EZH1: variants seen among roughly 807,000 people sequenced by gnomAD.
The protein encoded by EZH1 is enhancer of zeste 1 polycomb repressive complex 2 subunit, also known as histone-lysine N-methyltransferase EZH1.
Under a neutral mutation model 100.5 loss-of-function variants are expected in EZH1, and 33 were observed. The ratio of observed to expected loss-of-function variants is 0.33; its 90% CI spans 0.25 to 0.44. The LOEUF is 0.44. EZH1 is among the 20% of genes least tolerant of loss of function. The pLI is 1.00. For synonymous variants in EZH1, 272 were observed against 313.8 expected (o/e 0.87, Z 1.41); for missense variants, 475 against 928.4 (o/e 0.51, Z 6.35).
intron 1 of EZH1, among the ~76,000 whole-genome samples, chr17:42,732,110 C>T (rs1483958279): frequency 6.6e-6 from 1 of 150,904 alleles, no homozygotes; most frequent in Non-Finnish European, 1.5e-5. Context: ...TGAGCAAGCC[C>T]CTGTCTCAAA....
rs185039420 is a variant in EZH1, at chr17:42,709,117, C to T, written c.1494-201G>A. The T allele has an allele frequency of 2.4e-3, 1,429 of 599,412 alleles. 14 individuals carry two copies. The highest frequency in any genetic ancestry group is 0.018 in the Middle Eastern group (53 of 2,942). 37.1% of individuals were successfully genotyped at this position (599,412 alleles called of 1,614,324 possible). On this transcript the variant is annotated intron_variant, in intron 13 of 20. Transcript: ENST00000428826. ...GCTGGCCTGTGCTACAAGAGTTAAA[C>T]TTAAACACAACCCCTCCCAAACAAG...
At chr17:42,728,152 C>T (rs1284240248) in intron 3 of EZH1, among the ~76,000 whole-genome samples, 1 of 136,472 alleles carries the variant, frequency 7.3e-6, no homozygotes. Flanking sequence ...CTTGCTCTGT[C>T]ACCCAGGCTG....
chr17:42,722,007 C>T (rs184012726), intron 6 of EZH1, among the ~76,000 whole-genome samples: 726 of 151,830 alleles, frequency 4.8e-3, no homozygotes, highest in Non-Finnish European at 8.7e-3. Flanking sequence ...AAAAAGTAGC[C>T]GGGTGTGGTA....
At chr17:42,703,178 T>G in intron 19 of EZH1, 1 of 510,378 alleles carries the variant, frequency 2.0e-6, no homozygotes, top group South Asian at 2.1e-5. Context: ...TTTGTTTTGT[T>G]TTGTTTTGTT....
intron 4 of EZH1, chr17:42,724,668 C>T: frequency 2.9e-6 from 1 of 339,484 alleles, no homozygotes; most frequent in South Asian, 3.1e-5. Context: ...CACATGTAAT[C>T]CCAGCTACTT....
chr17:42,744,995 T>C lies in EZH1; in HGVS notation c.-103+16A>G, dbSNP rs1331398804. The C allele has an allele frequency of 7.8e-7, 1 of 1,274,654 alleles. No homozygotes were observed. Among genetic ancestry groups the C allele is most frequent in the Non-Finnish European group, 1.0e-6 (1 of 983,020 alleles). 79.0% of individuals were successfully genotyped at this position (1,274,654 alleles called of 1,614,324 possible). ...CCCGGCCCCACCGCCCGGCCCAGGC[T>C]TGTTTACTCACTCACCCTCCATCCC... is the stretch of plus-strand genomic sequence containing the variant. On this transcript the variant is annotated intron_variant, in intron 1 of 20. Transcript: ENST00000428826.
chr17:42,734,566 G>C (rs1470296799), intron 1 of EZH1, among the ~76,000 whole-genome samples: 1 of 151,788 alleles, frequency 6.6e-6, no homozygotes, highest in Non-Finnish European at 1.5e-5. Flanking sequence ...TACTCAGGAG[G>C]CTGAGTTGGG....
chr17:42,712,674 G>A (rs1249995707), intron 11 of EZH1, among the ~76,000 whole-genome samples, 189 bp from the exon 12 acceptor site: 2 of 151,728 alleles, frequency 1.3e-5, no homozygotes, highest in Non-Finnish European at 2.9e-5. Flanking sequence ...AGGCCGAGGT[G>A]GGTGGATTGC....
At chr17:42,719,620 C>A (rs1239535503) in intron 7 of EZH1, among the ~76,000 whole-genome samples, 1 of 152,132 alleles carries the variant, frequency 6.6e-6, no homozygotes, top group African/African-American at 2.4e-5. Context: ...GCCTATAGTC[C>A]CAGCTACTTA....
At chr17:42,744,059 T>C (rs7215553) in intron 1 of EZH1, among the ~76,000 whole-genome samples, 91,308 of 151,866 alleles carry the variant, frequency 0.6, 29,036 homozygotes, top group African/African-American at 0.83. Flanking sequence ...GCTCCTTTGC[T>C]TTCATCCTCC....
At chr17:42,724,902 C>T (rs1334085101) in intron 4 of EZH1, among the ~76,000 whole-genome samples, 2 of 152,144 alleles carry the variant, frequency 1.3e-5, no homozygotes, top group African/African-American at 2.4e-5. Context: ...GGCATGGTGG[C>T]TCACGCCTGT....
At chr17:42,739,469 C>T (rs1384733317) in intron 1 of EZH1, among the ~76,000 whole-genome samples, 1 of 152,162 alleles carries the variant, frequency 6.6e-6, no homozygotes, top group Non-Finnish European at 1.5e-5. Context: ...CAGTAGCTCA[C>T]ACCTGTAATC....
chr17:42,717,312 T>C (rs2053625181), intron 10 of EZH1, among the ~76,000 whole-genome samples: 1 of 152,232 alleles, frequency 6.6e-6, no homozygotes, highest in African/African-American at 2.4e-5. Context: ...CTCTACCATC[T>C]TTCCATCTAT....
intron 16 of EZH1, 146 bp downstream of exon 16, chr17:42,705,861 A>G: frequency 1.1e-6 from 1 of 892,632 alleles, no homozygotes; most frequent in East Asian, 2.9e-5. Flanking sequence ...AGCCTTTATT[A>G]ATTCAGTAAA....
rs2081090729 is a variant in EZH1 at position 42,718,006 on chromosome 17, T to C, written c.993A>G (p.Glu331=). 6.2e-7 allele frequency: 1 copy of C among 1,614,166 alleles called. No homozygotes were observed. The highest frequency in any genetic ancestry group is 1.3e-5 in the African/African-American group (1 of 75,046). ...RKNKEIKIEP[E]PCGTDCFLLL... ...AAAGGAAGCAGTCTGTGCCACATGG[T>C]TCTGGTTCAATCTTGATTTCTTTAT... The change falls in exon 10 of 21, where the codon GAA becomes GAG. Residue 331 remains glutamate, a synonymous_variant. Transcript: ENST00000428826. This position sits in a 1 kb window ranked among gnomAD's most constrained non-coding sequence, Gnocchi z 4.2.
At chr17:42,708,726 G>A (rs899581496) in intron 14 of EZH1, 150 bp downstream of exon 14, 7 of 814,740 alleles carry the variant, frequency 8.6e-6, no homozygotes, top group Admixed American at 3.8e-5. Flanking sequence ...GTTGCAGTGA[G>A]AGGCTCAGCT....
At chr17:42,737,139 C>T (rs2054080964) in intron 1 of EZH1, among the ~76,000 whole-genome samples, 1 of 152,124 alleles carries the variant, frequency 6.6e-6, no homozygotes, top group Non-Finnish European at 1.5e-5. Flanking sequence ...GCACATGCCA[C>T]CGCGCCGAGC....
rs79908967 is a variant in EZH1, at chr17:42,744,565, C to A, written c.-103+446G>T. Among the ~76,000 whole-genome samples the A allele has an allele frequency of 3.7e-4, 57 of 152,318 alleles. No homozygotes were observed. In the East Asian group the frequency reaches 8.1e-3, roughly 22 times the overall value. On this transcript the variant is annotated intron_variant, in intron 1 of 20. Coordinates refer to ENST00000428826, the MANE Select transcript of EZH1 (RefSeq NM_001991.5). Reference sequence around the variant, plus strand: ...TTTTACTGCTACCCCTCCTCAACATCCCCGAAAGCCATCGCAAGATCAGCC... The same window carrying A: ...TTTTACTGCTACCCCTCCTCAACATACCCGAAAGCCATCGCAAGATCAGCC...
chr17:42,715,130 T>C (rs942818446), intron 10 of EZH1, among the ~76,000 whole-genome samples: 1 of 140,294 alleles, frequency 7.1e-6, no homozygotes, highest in Non-Finnish European at 1.5e-5. Context: ...TAATAGATTA[T>C]ATGTATTTAT....
Sources: gnomAD v4.1 joint callset for allele counts (sites outside exome capture counted in the v4.1 genomes callset) on GRCh38, gnomAD v4.1.1 for gene constraint, Gnocchi (gnomAD v3.1) non-coding constraint, MANE v1.5 for transcripts, NCBI Gene and HGNC (gene_info 2026-07-23, HGNC 2026-07-21) for gene names.